The following XIRP2 variants were observed in gnomAD, a reference collection of about 807,000 sequenced individuals.
XIRP2 encodes xin actin binding repeat containing 2, also known as xin actin-binding repeat-containing protein 2.
A neutral mutation model predicts 277.0 loss-of-function variants in XIRP2; 236 were observed. The ratio of observed to expected loss-of-function variants is 0.85; its 90% CI spans 0.77 to 0.95. The LOEUF (loss-of-function observed/expected upper bound fraction) is 0.95, where lower values mean the gene tolerates loss of function less well. XIRP2 is among the 40% of genes least tolerant of loss of function. XIRP2 has a pLI of 0.00. For missense variants in XIRP2, 4,640 were observed against 4,157.5 expected (o/e 1.12, Z -3.19); for synonymous variants, 1,490 against 1,416.5 (o/e 1.05, Z -1.17).
intron 3 of XIRP2, among the ~76,000 whole-genome samples, chr2:167,204,210 C>A (rs1271173854): frequency 2.0e-5 from 3 of 152,150 alleles, no homozygotes; most frequent in African/African-American, 7.2e-5. Flanking sequence ...GGTTTCTCTG[C>A]TCAACAGTTT....
chr2:167,017,053 T>C (rs2105479159), intron 2 of XIRP2, among the ~76,000 whole-genome samples: 1 of 151,978 alleles, frequency 6.6e-6, no homozygotes, highest in East Asian at 1.9e-4. Flanking sequence ...GCATGCACTC[T>C]CACAGCTGCC....
chr2:167,158,847 A>G (rs914851226), intron 3 of XIRP2, among the ~76,000 whole-genome samples: 2 of 152,196 alleles, frequency 1.3e-5, no homozygotes, highest in South Asian at 2.1e-4. Context: ...GGGAAAGTAT[A>G]TTTAAAATAA....
Position 167,243,124 on chromosome 2 carries a change from A to C in XIRP2, c.1732A>C (p.Arg578=). 6.2e-7 allele frequency: 1 copy of C among 1,614,122 alleles called. No homozygotes were observed. Among genetic ancestry groups the C allele is most frequent in the Non-Finnish European group, 8.5e-7 (1 of 1,179,988 alleles). The part of the protein sequence containing the change: ...EILKGEVQSI[R]WIFENQPLDS... The stretch of plus-strand genomic sequence containing the variant: ...TCTGAAGGGAGAGGTGCAGTCCATT[A>C]GATGGATCTTTGAGAATCAACCATT... Residue 578 remains arginine, a synonymous_variant, in exon 9 of 11, where the codon AGA becomes CGA. Coordinates refer to ENST00000409195, the MANE Select transcript of XIRP2 (RefSeq NM_152381.6).
intron 2 of XIRP2, among the ~76,000 whole-genome samples, chr2:166,950,487 C>T (rs767995649): frequency 4.6e-4 from 70 of 151,972 alleles, no homozygotes; most frequent in Admixed American, 1.1e-3. Flanking sequence ...GGTTGGAAGG[C>T]AGAATTAAAC....
rs540502328 is a variant in XIRP2 at position 167,190,208 on chromosome 2, C to T, written c.563-20527C>T. Reference sequence around the variant, plus strand: ...CCCTGTCCTTTAGGAGTTGTTATGGCGGCTTCATTACATAAGGCATGAGTG... The same window carrying T: ...CCCTGTCCTTTAGGAGTTGTTATGGTGGCTTCATTACATAAGGCATGAGTG... On this transcript the variant is annotated intron_variant, in intron 3 of 10. Transcript: ENST00000409195. Among the ~76,000 whole-genome samples the T allele has an allele frequency of 1.1e-4, 16 of 152,242 alleles. No individual in the cohort carries two copies. The South Asian group carries it at 2.5e-3, about 24-fold the overall frequency.
intron 2 of XIRP2, among the ~76,000 whole-genome samples, chr2:167,003,765 A>G (rs888326049): frequency 6.6e-6 from 1 of 151,886 alleles, no homozygotes; most frequent in Non-Finnish European, 1.5e-5. Context: ...GACATAATGA[A>G]ATTTGTATTC....
At chr2:167,136,613 G>A (rs942847573) in intron 3 of XIRP2, among the ~76,000 whole-genome samples, 31 of 152,184 alleles carry the variant, frequency 2.0e-4, no homozygotes, top group African/African-American at 6.3e-4. Flanking sequence ...TTAATAGCTC[G>A]TATGTTAGAA....
At chr2:167,102,243 G>A (rs949738260) in intron 2 of XIRP2, among the ~76,000 whole-genome samples, 22 of 152,110 alleles carry the variant, frequency 1.4e-4, no homozygotes, top group Admixed American at 1.4e-3. Flanking sequence ...GAGACCAGGA[G>A]GCGCATTTCA....
chr2:167,009,700 A>T (rs1379078971), intron 2 of XIRP2, among the ~76,000 whole-genome samples: 9 of 151,884 alleles, frequency 5.9e-5, no homozygotes, highest in Non-Finnish European at 1.3e-4. Flanking sequence ...AAGTGTTCCT[A>T]TTTCTCCACA....
chr2:167,131,246 C>G (rs1184510784), intron 2 of XIRP2, among the ~76,000 whole-genome samples: 2 of 152,150 alleles, frequency 1.3e-5, no homozygotes, highest in Admixed American at 1.3e-4. Context: ...GCTTTGGGTT[C>G]CATCCTCTTG....
At chr2:167,201,912 T>C (rs1035939822) in intron 3 of XIRP2, among the ~76,000 whole-genome samples, 1 of 152,170 alleles carries the variant, frequency 6.6e-6, no homozygotes. Flanking sequence ...ATACTTGAAA[T>C]CAACTCCGGG....
intron 5 of XIRP2, among the ~76,000 whole-genome samples, chr2:167,221,631 G>A (rs1478099603): frequency 3.3e-5 from 5 of 152,056 alleles, no homozygotes; most frequent in Non-Finnish European, 7.4e-5. Flanking sequence ...CTATCTAAGT[G>A]CATTCTAAAA....
At chr2:167,144,885 T>C (rs549520330) in intron 3 of XIRP2, among the ~76,000 whole-genome samples, 1 of 152,290 alleles carries the variant, frequency 6.6e-6, no homozygotes, top group South Asian at 2.1e-4. Context: ...TTAAAAACTT[T>C]GAGTGGAAGT....
At chr2:167,113,624 G>T (rs190114585) in intron 2 of XIRP2, among the ~76,000 whole-genome samples, 102 of 152,158 alleles carry the variant, frequency 6.7e-4, no homozygotes, top group African/African-American at 2.0e-3. Flanking sequence ...TTTAATTGGG[G>T]CATTTAAACT....
chr2:166,930,100 T>C (rs969015264), intron 2 of XIRP2, among the ~76,000 whole-genome samples: 1 of 152,300 alleles, frequency 6.6e-6, no homozygotes, highest in South Asian at 2.1e-4. Flanking sequence ...TTCTTTAATA[T>C]GTTGCCCATG....
At chr2:167,168,291 G>C (rs116442019) in intron 3 of XIRP2, among the ~76,000 whole-genome samples, 1 of 151,932 alleles carries the variant, frequency 6.6e-6, no homozygotes, top group Non-Finnish European at 1.5e-5. Flanking sequence ...ATTACTTTGC[G>C]GGAAACTCTC....
rs77649815 is a variant in XIRP2 at position 167,222,153 on chromosome 2, A to G, written c.858+3853A>G. ...CATCTAATGGAAGGGCAGTTCTGAA[A>G]TAGAAAAAAGGGGTGCACAATATAA... On this transcript the variant is annotated intron_variant, in intron 5 of 10. Transcript: ENST00000409195. Among the ~76,000 whole-genome samples, 499 of 152,312 alleles carry G rather than the reference A, an allele frequency of 3.3e-3. 24 individuals are homozygous for G. In the East Asian group the frequency reaches 0.068, roughly 21 times the overall value.
At chr2:167,253,376 G>T (rs1282310254) in intron 9 of XIRP2, among the ~76,000 whole-genome samples, 2 of 151,424 alleles carry the variant, frequency 1.3e-5, no homozygotes, top group African/African-American at 4.9e-5. Flanking sequence ...AATCCAAAAA[G>T]CTCCACAATC....
chr2:167,047,083 T>C (rs1688804420), intron 2 of XIRP2, among the ~76,000 whole-genome samples: 1 of 151,800 alleles, frequency 6.6e-6, no homozygotes, highest in African/African-American at 2.4e-5. Context: ...ACTGTTAACA[T>C]AGTATTAGAG....
Sources: allele counts gnomAD v4.1 joint callset (sites outside exome capture counted in the v4.1 genomes callset), GRCh38; gene constraint gnomAD v4.1.1; transcripts MANE v1.5; gene names NCBI Gene and HGNC (gene_info 2026-07-23, HGNC 2026-07-21).